Variants in SGIP1 observed in about 807,000 individuals in gnomAD.
The protein encoded by SGIP1 is SH3GL interacting endocytic adaptor 1, also known as SH3-containing GRB2-like protein 3-interacting protein 1.
Under a neutral mutation model 107.5 loss-of-function variants are expected in SGIP1, and 38 were observed. The observed-to-expected ratio is 0.35, with a 90% CI of 0.27 to 0.46. The LOEUF is 0.46. Among genes scored for constraint, SGIP1 ranks in the 20% least tolerant of loss-of-function variants. The pLI is 1.00. For synonymous variants in SGIP1, 365 were observed against 366.1 expected, an observed-to-expected ratio of 1.00 and a Z score of 0.03; for missense variants, 929 against 1,019.5, an observed-to-expected ratio of 0.91 and a Z score of 1.21.
chr1:66,689,327 G>A (rs748750387), intron 16 of SGIP1, 52 bp downstream of exon 16: 21 of 1,586,158 alleles, frequency 1.3e-5, no homozygotes, highest in Non-Finnish European at 1.7e-5. Flanking sequence ...ATGACAAACA[G>A]AAGCTCCAAA....
chr1:66,547,616 A>G (rs887994095), intron 1 of SGIP1, among the ~76,000 whole-genome samples: 3 of 152,184 alleles, frequency 2.0e-5, no homozygotes, highest in Non-Finnish European at 4.4e-5. Context: ...GAAGTGTTGT[A>G]GTGACAGTGC....
Position 66,649,918 on chromosome 1 carries a change from A to G in SGIP1, c.459+6199A>G, listed in dbSNP as rs149847655. Among the ~76,000 whole-genome samples, 787 of 152,218 alleles carry G rather than the reference A, an allele frequency of 5.2e-3. 4 individuals are homozygous for G. The highest frequency in any genetic ancestry group is 0.018 in the African/African-American group (732 of 41,552). On this transcript the variant is annotated intron_variant, in intron 7 of 24. Coordinates refer to ENST00000371037, the MANE Select transcript of SGIP1 (RefSeq NM_032291.4). Reference sequence around the variant, plus strand: ...GTTGATGACTTTTGGTATGTTGAAAACCCAGTGCCTTGGTTTCTTCATCTA... The same window carrying G: ...GTTGATGACTTTTGGTATGTTGAAAGCCCAGTGCCTTGGTTTCTTCATCTA...
At position 66,743,224 on chromosome 1, in the gene SGIP1, T is replaced by C; in HGVS notation, c.*129T>C. On this transcript the variant is annotated 3_prime_UTR_variant, in exon 25 of 25. Coordinates refer to ENST00000371037, the MANE Select transcript of SGIP1 (RefSeq NM_032291.4). ...TGGGATATATCAGGTGGAAAGTCAA[T>C]GACTTTCATCTGTGATTTCCCTCAC... The C allele has an allele frequency of 1.1e-6, 1 of 873,496 alleles. No individual in the cohort carries two copies. The highest frequency in any genetic ancestry group is 1.8e-6 in the Non-Finnish European group (1 of 553,432). 54.1% of individuals were successfully genotyped at this position (873,496 alleles called of 1,614,324 possible). A position where few individuals can be genotyped will look rare whatever the true frequency, so the allele number is the denominator to read the frequency against.
At chr1:66,641,779 T>C (rs896432357) in intron 5 of SGIP1, among the ~76,000 whole-genome samples, 2 of 152,184 alleles carry the variant, frequency 1.3e-5, no homozygotes, top group African/African-American at 4.8e-5. Context: ...CAAAAAATGT[T>C]AGTTGTCTGC....
intron 1 of SGIP1, among the ~76,000 whole-genome samples, chr1:66,557,582 C>A (rs1490716789): frequency 6.6e-6 from 1 of 152,054 alleles, no homozygotes; most frequent in Non-Finnish European, 1.5e-5. Context: ...TGGGTCACTT[C>A]ATTTGGTCTG....
At chr1:66,610,398 C>T (rs767683125) in intron 1 of SGIP1, among the ~76,000 whole-genome samples, 1 of 152,166 alleles carries the variant, frequency 6.6e-6, no homozygotes, top group Non-Finnish European at 1.5e-5. Flanking sequence ...AAGTTTGAGA[C>T]CAGGCTCCCC....
At chr1:66,739,583 A>G (rs1393195747) in intron 22 of SGIP1, 46 bp downstream of exon 22, 1 of 1,591,360 alleles carries the variant, frequency 6.3e-7, no homozygotes, top group South Asian at 1.1e-5. Flanking sequence ...CTCTGGGTCA[A>G]GAGGTCACAG....
intron 21 of SGIP1, among the ~76,000 whole-genome samples, chr1:66,734,304 T>A (rs146535991): frequency 1.5e-3 from 224 of 152,224 alleles, no homozygotes; most frequent in Non-Finnish European, 2.0e-3. Flanking sequence ...AGAATTCTAA[T>A]AAAATCTAAC....
chr1:66,660,394 G>A (rs1004166956), intron 7 of SGIP1, 119 bp from the exon 8 acceptor site: 11 of 896,672 alleles, frequency 1.2e-5, no homozygotes, highest in Non-Finnish European at 2.0e-5. Flanking sequence ...TATAAAAGCA[G>A]TGCCTTCGAG....
intron 1 of SGIP1, among the ~76,000 whole-genome samples, chr1:66,566,862 GC>G (rs1249397114): frequency 6.6e-6 from 1 of 151,504 alleles, no homozygotes; most frequent in East Asian, 1.9e-4. Flanking sequence ...CCCTCCCCTT[GC>G]CCCCCACCCC....
At chr1:66,626,064 G>T in intron 2 of SGIP1, 154 bp downstream of exon 2, 1 of 355,764 alleles carries the variant, frequency 2.8e-6, no homozygotes, top group Non-Finnish European at 5.0e-6. Flanking sequence ...AATATAAACA[G>T]TTCTTAGATT....
chr1:66,592,259 C>T (rs978757015), intron 1 of SGIP1, among the ~76,000 whole-genome samples: 2 of 152,126 alleles, frequency 1.3e-5, no homozygotes, highest in East Asian at 1.9e-4. Context: ...TGTGGCCTTC[C>T]GCAGTGTATT....
At chr1:66,638,886 G>T (rs114398753) in intron 4 of SGIP1, among the ~76,000 whole-genome samples, 17 of 152,130 alleles carry the variant, frequency 1.1e-4, no homozygotes, top group Non-Finnish European at 1.6e-4. Context: ...TCTGCTATGC[G>T]CAGTGACATA....
chr1:66,552,004 G>A (rs950525631), intron 1 of SGIP1, among the ~76,000 whole-genome samples: 3 of 152,132 alleles, frequency 2.0e-5, no homozygotes, highest in African/African-American at 7.2e-5. Flanking sequence ...ACCTCTATGA[G>A]GAGTAGTCTT....
chr1:66,648,646 A>G (rs2078116109), intron 7 of SGIP1, among the ~76,000 whole-genome samples: 1 of 152,186 alleles, frequency 6.6e-6, no homozygotes, highest in Non-Finnish European at 1.5e-5. Context: ...CAGAAACCCT[A>G]TCAGAGAGAG....
chr1:66,671,114 C>T (rs2083680980), intron 10 of SGIP1, 95 bp downstream of exon 10: 2 of 560,532 alleles, frequency 3.6e-6, no homozygotes, highest in Non-Finnish European at 3.0e-6. Context: ...ATTATACATT[C>T]CTGGGCTTAA....
chr1:66,605,216 AT>A (rs1315840278), intron 1 of SGIP1, among the ~76,000 whole-genome samples: 1 of 152,140 alleles, frequency 6.6e-6, no homozygotes, highest in Non-Finnish European at 1.5e-5. Flanking sequence ...AATAGCAAAT[AT>A]TTTTAGTTAT....
chr1:66,634,213 C>G, intron 3 of SGIP1: 2 of 1,418,042 alleles, frequency 1.4e-6, no homozygotes, highest in Non-Finnish European at 2.0e-6. Context: ...GGTCCCCTCC[C>G]TGGGTTCTCT....
intron 18 of SGIP1, among the ~76,000 whole-genome samples, chr1:66,718,930 C>T (rs1234173978): frequency 2.0e-5 from 3 of 152,050 alleles, no homozygotes; most frequent in Non-Finnish European, 2.9e-5. Flanking sequence ...AATGAATGCT[C>T]AAATAGGAAA....
Sources: gnomAD v4.1 joint callset for allele counts (sites outside exome capture counted in the v4.1 genomes callset) on GRCh38, gnomAD v4.1.1 for gene constraint, MANE v1.5 for transcripts, NCBI Gene and HGNC (gene_info 2026-07-23, HGNC 2026-07-21) for gene names.